The following B4GALNT4 variants were observed in gnomAD, a reference collection of about 807,000 sequenced individuals.
B4GALNT4 encodes the protein beta-1,4-N-acetyl-galactosaminyltransferase 4.
B4GALNT4 carries 77 observed loss-of-function variants against 110.0 expected under a neutral mutation model. That is an observed-to-expected ratio of 0.70 (90% CI 0.58 to 0.85). B4GALNT4 has a LOEUF of 0.85. Ranked by LOEUF, B4GALNT4 falls within the 40% of genes least tolerant of loss-of-function variation. B4GALNT4 has a pLI of 0.00. For missense variants in B4GALNT4, 1,575 were observed against 1,506.0 expected, an observed-to-expected ratio of 1.05 and a Z score of -0.76; for synonymous variants, 785 against 655.5, an observed-to-expected ratio of 1.20 and a Z score of -3.02.
chr11:375,700 G>C lies in B4GALNT4; in HGVS notation c.912G>C (p.Val304=), dbSNP rs368542643. The change falls in exon 10 of 20, where the codon GTG becomes GTC. Residue 304 remains valine, a synonymous_variant. Coordinates refer to ENST00000329962, the MANE Select transcript of B4GALNT4 (RefSeq NM_178537.5). ...TCCCCCAGTCTCCAGCCAGCCACGT[G>C]GGGGGGCGTCCGCCGCAGGAGGAGA... The part of the protein sequence containing the change: ...AHVPQSPASH[V]GGRPPQEETS... The C allele has an allele frequency of 1.0e-5, 16 of 1,593,532 alleles. No individual in the cohort carries two copies. Among genetic ancestry groups the C allele is most frequent in the Admixed American group, 3.4e-5 (2 of 59,686 alleles).
At position 379,922 on chromosome 11, in the gene B4GALNT4, G is replaced by A. The variant is rs765440900; in HGVS notation, c.2545G>A (p.Ala849Thr). The change falls in exon 16 of 20, where the codon GCG (alanine) becomes ACG (threonine). Residue 849 changes from alanine to threonine, a missense_variant. Physicochemically the swap from Ala to Thr is moderately conservative, Grantham distance 58. Coordinates refer to ENST00000329962, the MANE Select transcript of B4GALNT4 (RefSeq NM_178537.5). ...QFLADMAALHARTGDSRFSVV... is the reference protein window; with the variant it reads ...QFLADMAALHTRTGDSRFSVV... ...CCTGGCGGACATGGCTGCGCTGCACGCGCGCACCGGGGACTCGCGTTTCAG... is the reference window on the plus strand; with the variant it reads ...CCTGGCGGACATGGCTGCGCTGCACACGCGCACCGGGGACTCGCGTTTCAG... 2 of 1,610,726 alleles carry A rather than the reference G, an allele frequency of 1.2e-6. No individual in the cohort carries two copies. Among genetic ancestry groups the A allele is most frequent in the Admixed American group, 1.7e-5 (1 of 59,980 alleles).
rs1300270606 is a variant in B4GALNT4 at position 376,507 on chromosome 11, C to T, written c.1384C>T (p.Pro462Ser). The change falls in exon 14 of 20, where the codon CCC becomes TCC. Residue 462 changes from proline to serine, a missense_variant. Pro to Ser is a moderately conservative substitution (Grantham distance 74, BLOSUM62 -1). Transcript: ENST00000329962. ...CCCGCCCAGGAGCGGCCCCCAGTCC[C>T]CCGCCCCAGCAGCCCCCGCCCAGCC... ...AAPPRSGPQS[P>S]APAAPAQPGA... 49 of 1,519,756 alleles carry T rather than the reference C, an allele frequency of 3.2e-5. No individual in the cohort carries two copies. Among genetic ancestry groups the T allele is most frequent in the Non-Finnish European group, 4.1e-5 (47 of 1,140,772 alleles). 94.1% of individuals were successfully genotyped at this position (1,519,756 alleles called of 1,614,324 possible). A position where few individuals can be genotyped will look rare whatever the true frequency, so the allele number is the denominator to read the frequency against.
Position 381,816 on chromosome 11 carries a change from C to A in B4GALNT4, c.*24C>A. On this transcript the variant is annotated 3_prime_UTR_variant, in exon 20 of 20. Coordinates refer to ENST00000329962, the MANE Select transcript of B4GALNT4 (RefSeq NM_178537.5). ...GAGGACGGGCAGCCCCTCCCAGCCC[C>A]GGTGGGAGTCCCGAGGCAGCTGCTG... is the stretch of plus-strand genomic sequence containing the variant. 1 of 1,553,920 alleles carries A rather than the reference C, an allele frequency of 6.4e-7. No individual in the cohort carries two copies. The highest frequency in any genetic ancestry group is 8.7e-7 in the Non-Finnish European group (1 of 1,155,566).
In B4GALNT4 at chr11:375,531, C is replaced by T. The variant is rs201282450; in HGVS notation, c.850+4C>T. The T allele has an allele frequency of 8.0e-5, 128 of 1,610,010 alleles. No homozygotes were observed. The highest frequency in any genetic ancestry group is 1.1e-4 in the Non-Finnish European group (125 of 1,179,772). On this transcript the variant is annotated splice_donor_region_variant and intron_variant, in intron 9 of 19. Transcript: ENST00000329962. ...GCTCACATCTCCCTGTACACAGGTG[C>T]GAGCGGACGCCTCTGGGGATGTGGG...
chr11:375,246 G>A (rs1363881885), intron 8 of B4GALNT4, among the ~76,000 whole-genome samples: 5 of 151,536 alleles, frequency 3.3e-5, no homozygotes, highest in African/African-American at 4.9e-5. Context: ...GTGGGGTCTG[G>A]CCCTGCTCCC....
In B4GALNT4 at chr11:379,498, A is replaced by T; in HGVS notation, c.2285A>T (p.Glu762Val). The T allele has an allele frequency of 6.4e-7, 1 of 1,572,410 alleles. No individual in the cohort carries two copies. Among genetic ancestry groups the T allele is most frequent in the Non-Finnish European group, 8.6e-7 (1 of 1,166,218 alleles). ...ARGSRFLLEL[E>V]LQERGGGRLR... ...GGGAGTCGCTTCCTGCTGGAGCTGGAGCTGCAGGAGCGCGGGGGCGGCCGC... is the reference window on the plus strand; with the variant it reads ...GGGAGTCGCTTCCTGCTGGAGCTGGTGCTGCAGGAGCGCGGGGGCGGCCGC... Residue 762 changes from glutamate to valine, a missense_variant, in exon 15 of 20, where the codon GAG (glutamate) becomes GTG (valine). Physicochemically the swap from Glu to Val is moderately radical, Grantham distance 121. Transcript: ENST00000329962.
chr11:372,624 C>T, intron 2 of B4GALNT4, 38 bp from the exon 3 acceptor site: 1 of 1,564,332 alleles, frequency 6.4e-7, no homozygotes, highest in South Asian at 1.1e-5. Flanking sequence ...CCTCCCTGCC[C>T]TTCCAACCCT....
At chr11:380,639 C>T (rs1163816462) in intron 18 of B4GALNT4, 186 bp from the exon 19 acceptor site, 1 of 1,250,298 alleles carries the variant, frequency 8.0e-7, no homozygotes, top group Non-Finnish European at 1.1e-6. Context: ...GGAACCTCCT[C>T]CAGTATCCCG....
chr11:375,810 G>A (rs377134026), intron 10 of B4GALNT4, 37 bp downstream of exon 10: 10 of 1,602,598 alleles, frequency 6.2e-6, no homozygotes, highest in Non-Finnish European at 8.5e-6. Context: ...GGGCGGGGGT[G>A]CCTGCCCCAG....
chr11:380,660 C>A, intron 18 of B4GALNT4, 165 bp from the exon 19 acceptor site: 1 of 1,318,228 alleles, frequency 7.6e-7, no homozygotes, highest in Non-Finnish European at 1.1e-6. Context: ...CGTTTATGCA[C>A]CGCGCTCCAG....
Position 375,699 on chromosome 11 carries a change from T to TG in B4GALNT4, c.918dup (p.Arg307AlafsTer98), listed in dbSNP as rs770737105. On this transcript the variant is annotated frameshift_variant, in exon 10 of 20. Transcript: ENST00000329962. LOFTEE classifies it high-confidence loss of function. Reference sequence around the variant, plus strand: ...GTCCCCCAGTCTCCAGCCAGCCACGTGGGGGGGCGTCCGCCGCAGGAGGAG... The same window carrying TG: ...GTCCCCCAGTCTCCAGCCAGCCACGTGGGGGGGGCGTCCGCCGCAGGAGGAG... 9.4e-6 allele frequency: 15 copies of TG among 1,593,580 alleles called. No individual in the cohort carries two copies. The highest frequency in any genetic ancestry group is 1.7e-5 in the Admixed American group (1 of 59,716).
At chr11:372,360 G>A in intron 2 of B4GALNT4, 148 bp downstream of exon 2, 3 of 773,820 alleles carry the variant, frequency 3.9e-6, no homozygotes, top group Non-Finnish European at 6.6e-6. Context: ...CAGCTTGTCT[G>A]TGTGAGCTCC....
chr11:378,108 C>G (rs541980994), intron 14 of B4GALNT4, among the ~76,000 whole-genome samples: 3 of 151,854 alleles, frequency 2.0e-5, no homozygotes, highest in Admixed American at 2.0e-4. Context: ...AGGATGGAGA[C>G]AGGGCCAGGA....
In B4GALNT4 at chr11:376,190, G is replaced by A. The variant is rs748618786; in HGVS notation, c.1196+16G>A. On this transcript the variant is annotated intron_variant, in intron 12 of 19. Coordinates refer to ENST00000329962, the MANE Select transcript of B4GALNT4 (RefSeq NM_178537.5). The stretch of plus-strand genomic sequence containing the variant: ...ATCTGGAGAGGTGGGCGCGCGGCCG[G>A]GCTAATGCGGGGCGGGGTGGGCGGG... The A allele has an allele frequency of 1.3e-6, 2 of 1,589,284 alleles. No homozygotes were observed. The highest frequency in any genetic ancestry group is 1.7e-5 in the Admixed American group (1 of 59,296).
chr11:374,539 A>T (rs1274114317), intron 8 of B4GALNT4, among the ~76,000 whole-genome samples: 2 of 136,936 alleles, frequency 1.5e-5, no homozygotes, highest in Non-Finnish European at 1.6e-5. Flanking sequence ...ATGAGGTGGG[A>T]ACAGAAGGGC....
At chr11:380,674 C>T in intron 18 of B4GALNT4, 151 bp from the exon 19 acceptor site, 1 of 1,383,114 alleles carries the variant, frequency 7.2e-7, no homozygotes, top group Non-Finnish European at 1.0e-6. Flanking sequence ...GCTCCAGGGT[C>T]ATGACCCAGT....
At position 369,910 on chromosome 11, in the gene B4GALNT4, T is replaced by C. The variant is rs1475307977; in HGVS notation, c.107T>C (p.Val36Ala). Residue 36 changes from valine (V) to alanine (A), a missense_variant, in exon 1 of 20, where the codon GTG becomes GCG. Physicochemically the swap from Val to Ala is moderately conservative, Grantham distance 64. Transcript: ENST00000329962. ...AWLTYVHLGL[V>A]RQGRALRQRL... ...CTCACCTACGTGCACCTGGGCCTGG[T>C]GCGCCAGGGACGCGCGCTGCGCCAG... 1 of 980,118 alleles carries C rather than the reference T, an allele frequency of 1.0e-6. No individual in the cohort carries two copies. Among genetic ancestry groups the C allele is most frequent in the Non-Finnish European group, 1.2e-6 (1 of 829,208 alleles). 60.7% of individuals were successfully genotyped at this position (980,118 alleles called of 1,614,324 possible). A position where few individuals can be genotyped will look rare whatever the true frequency, so the allele number is the denominator to read the frequency against.
chr11:375,679 C>T lies in B4GALNT4; in HGVS notation c.891C>T (p.Pro297=), dbSNP rs978949287. ...ALKMDHVAHV[P]QSPASHVGGR... is the part of the protein sequence containing the mutation. Reference sequence around the variant, plus strand: ...AGATGGACCACGTGGCGCACGTCCCCCAGTCTCCAGCCAGCCACGTGGGGG... The same window carrying T: ...AGATGGACCACGTGGCGCACGTCCCTCAGTCTCCAGCCAGCCACGTGGGGG... The change falls in exon 10 of 20, where the codon CCC becomes CCT. Residue 297 remains proline (P), a synonymous_variant. Coordinates refer to ENST00000329962, the MANE Select transcript of B4GALNT4 (RefSeq NM_178537.5). 8.8e-6 allele frequency: 14 copies of T among 1,594,040 alleles called. No homozygotes were observed. Among genetic ancestry groups the T allele is most frequent in the Non-Finnish European group, 1.2e-5 (14 of 1,175,066 alleles).
intron 7 of B4GALNT4, 78 bp from the exon 8 acceptor site, chr11:373,672 G>C: frequency 6.4e-7 from 1 of 1,554,084 alleles, no homozygotes; most frequent in Non-Finnish European, 8.8e-7. Flanking sequence ...AGGGGTGTGG[G>C]AGCCACCTGC....
Sources: gnomAD v4.1 joint callset for allele counts (sites outside exome capture counted in the v4.1 genomes callset) on GRCh38, gnomAD v4.1.1 for gene constraint, MANE v1.5 for transcripts, NCBI Gene and HGNC (gene_info 2026-07-23, HGNC 2026-07-21) for gene names.